Variants in RELCH observed in about 807,000 individuals in gnomAD.
RELCH encodes RAB11 binding and LisH domain, coiled-coil and HEAT repeat containing.
A neutral mutation model predicts 150.3 loss-of-function variants in RELCH; 41 were observed. The observed-to-expected ratio is 0.27, with a 90% CI of 0.21 to 0.35. The LOEUF (loss-of-function observed/expected upper bound fraction) is 0.35, where lower values mean the gene tolerates loss of function less well. RELCH is among the 10% of genes least tolerant of loss of function. The pLI is 1.00. For missense variants in RELCH, 1,092 were observed against 1,467.8 expected (o/e 0.74, Z 4.18); for synonymous variants, 478 against 531.8 (o/e 0.90, Z 1.39).
At chr18:62,300,896 A>G (rs1157725294) in intron 28 of RELCH, 1 of 152,206 alleles carries the variant, frequency 6.6e-6, no homozygotes, top group African/African-American at 2.4e-5. Flanking sequence ...TACCCTTCTT[A>G]TATTCATTCA....
At chr18:62,190,142 T>A (rs184317094) in intron 1 of RELCH, among the ~76,000 whole-genome samples, 208 of 152,340 alleles carry the variant, frequency 1.4e-3, no homozygotes, top group African/African-American at 4.9e-3. Flanking sequence ...AAAAAATGGA[T>A]TAAACTGTTT....
chr18:62,217,366 A>G (rs2040544774), intron 2 of RELCH, among the ~76,000 whole-genome samples: 1 of 152,044 alleles, frequency 6.6e-6, no homozygotes, highest in Non-Finnish European at 1.5e-5. Flanking sequence ...AAAGGTCTGA[A>G]CTATGACAAT....
intron 13 of RELCH, among the ~76,000 whole-genome samples, chr18:62,255,860 A>G (rs977300918): frequency 9.9e-5 from 15 of 152,218 alleles, no homozygotes; most frequent in African/African-American, 3.4e-4. Flanking sequence ...AGGGATGGGC[A>G]AAAATGCTGC....
chr18:62,258,466 A>C, intron 14 of RELCH, 46 bp from the exon 15 acceptor site: 1 of 1,498,396 alleles, frequency 6.7e-7, no homozygotes, highest in Non-Finnish European at 9.1e-7. Flanking sequence ...TTTTATTTTA[A>C]GTTTATCCCT....
chr18:62,229,026 A>G (rs930144561), intron 8 of RELCH, among the ~76,000 whole-genome samples: 5 of 151,546 alleles, frequency 3.3e-5, no homozygotes, highest in African/African-American at 1.2e-4. Flanking sequence ...TTCCATTACA[A>G]ATATTACATC....
intron 1 of RELCH, among the ~76,000 whole-genome samples, chr18:62,191,621 A>G (rs555427427): frequency 1.3e-5 from 2 of 152,074 alleles, no homozygotes; most frequent in African/African-American, 2.4e-5. Flanking sequence ...GCTCCTACTT[A>G]TATATGAGAA....
Position 62,275,384 on chromosome 18 carries a change from G to C in RELCH, c.2878G>C (p.Ala960Pro). The C allele has an allele frequency of 1.3e-6, 2 of 1,526,044 alleles. No individual in the cohort carries two copies. Among genetic ancestry groups the C allele is most frequent in the Non-Finnish European group, 1.8e-6 (2 of 1,141,054 alleles). 94.5% of individuals were successfully genotyped at this position (1,526,044 alleles called of 1,614,324 possible). ...TTTTTTTTCTTCTAGTGCAAACCCAGCCTACCATGAGTTACTATTAACTGT... is the reference window on the plus strand; with the variant it reads ...TTTTTTTTCTTCTAGTGCAAACCCACCCTACCATGAGTTACTATTAACTGT... ...ASFVELGANP[A>P]YHELLLTVLW... The change falls in exon 22 of 29, where the codon GCC becomes CCC. Residue 960 changes from alanine (A) to proline (P), a missense_variant. Ala to Pro is a conservative substitution (Grantham distance 27). Transcript: ENST00000644646.
Position 62,227,500 on chromosome 18 carries a change from A to G in RELCH, c.1062+8A>G, listed in dbSNP as rs765893033. The G allele has an allele frequency of 1.2e-6, 2 of 1,608,254 alleles. No homozygotes were observed. The highest frequency in any genetic ancestry group is 1.7e-6 in the Non-Finnish European group (2 of 1,175,336). ...ACTCCCCAGCCTGCAGAGGTGAGAG[A>G]TAGCAACTAATTAGTCAAGTCCACA... is the stretch of plus-strand genomic sequence containing the variant. On this transcript the variant is annotated splice_region_variant and intron_variant, in intron 6 of 28. Transcript: ENST00000644646.
chr18:62,200,147 G>A (rs2039331321), intron 1 of RELCH, among the ~76,000 whole-genome samples: 1 of 152,126 alleles, frequency 6.6e-6, no homozygotes, highest in Non-Finnish European at 1.5e-5. Context: ...GAAACCCTGT[G>A]ACAAAGAGAA....
chr18:62,228,579 C>A lies in RELCH; in HGVS notation c.1429C>A (p.His477Asn), dbSNP rs765444917. Residue 477 changes from histidine (H) to asparagine (N), a missense_variant, in exon 8 of 29, where the codon CAT becomes AAT. By Grantham distance (68) the His-to-Asn change is moderately conservative (BLOSUM62 1). Coordinates refer to ENST00000644646, the MANE Select transcript of RELCH (RefSeq NM_001346231.2). ...PSSLSSKKTV[H>N]FDKPNRKLSP... is the part of the protein sequence containing the mutation. The stretch of plus-strand genomic sequence containing the variant: ...TTCTCTATCAAGTAAAAAGACAGTT[C>A]ATTTTGATAAACCTAATAGGTTAGT... 3 of 1,609,898 alleles carry A rather than the reference C, an allele frequency of 1.9e-6. No individual in the cohort carries two copies. The highest frequency in any genetic ancestry group is 2.5e-6 in the Non-Finnish European group (3 of 1,177,952).
intron 10 of RELCH, among the ~76,000 whole-genome samples, chr18:62,242,789 G>A (rs2148489785): frequency 6.6e-6 from 1 of 152,118 alleles, no homozygotes; most frequent in South Asian, 2.1e-4. Flanking sequence ...AGTTGTTTTT[G>A]TATGCTTGTT....
chr18:62,279,611 C>T (rs974397711), intron 22 of RELCH, among the ~76,000 whole-genome samples, 163 bp from the exon 23 acceptor site: 2 of 152,172 alleles, frequency 1.3e-5, no homozygotes, highest in African/African-American at 4.8e-5. Flanking sequence ...CATTCTCTGC[C>T]TTTGTAAAGC....
Position 62,257,336 on chromosome 18 carries a change from A to G in RELCH, c.1897-612A>G, listed in dbSNP as rs532389948. On this transcript the variant is annotated intron_variant, in intron 13 of 28. Coordinates refer to ENST00000644646, the MANE Select transcript of RELCH (RefSeq NM_001346231.2). Reference sequence around the variant, plus strand: ...TTAACTATTAGCATAAAAAAGAGCAATGCAATTTTTAAGTACTTTTAAAGT... The same window carrying G: ...TTAACTATTAGCATAAAAAAGAGCAGTGCAATTTTTAAGTACTTTTAAAGT... Among the ~76,000 whole-genome samples the G allele has an allele frequency of 3.9e-5, 6 of 152,192 alleles. No individual in the cohort carries two copies. In the South Asian group the frequency reaches 1.2e-3, roughly 31 times the overall value.
At position 62,187,835 on chromosome 18, in the gene RELCH, C is replaced by T. The variant is rs562108033; in HGVS notation, c.330C>T (p.Ala110=). The T allele has an allele frequency of 6.3e-7, 1 of 1,592,032 alleles. No individual in the cohort carries two copies. Among genetic ancestry groups the T allele is most frequent in the Admixed American group, 1.8e-5 (1 of 55,330 alleles). The change falls in exon 1 of 29, where the codon GCC becomes GCT. Residue 110 remains alanine, a synonymous_variant. Transcript: ENST00000644646. ...QLLRDQYLLT[A]LELHTELLES... ...TGCGCGATCAATACTTGCTGACCGC[C>T]CTGGAGCTGCATACCGAGCTGTTAG... is the stretch of plus-strand genomic sequence containing the variant.
chr18:62,216,523 A>C (rs988986289), intron 2 of RELCH, among the ~76,000 whole-genome samples: 1 of 151,770 alleles, frequency 6.6e-6, no homozygotes, highest in Non-Finnish European at 1.5e-5. Context: ...ACATTCCTGA[A>C]TGCTGGTAAG....
chr18:62,296,134 A>G (rs1434535859), intron 27 of RELCH, among the ~76,000 whole-genome samples: 5 of 152,216 alleles, frequency 3.3e-5, no homozygotes, highest in Non-Finnish European at 5.9e-5. Context: ...AATATGATCA[A>G]TGTGGCATTT....
intron 10 of RELCH, among the ~76,000 whole-genome samples, chr18:62,233,935 A>G (rs183312454): frequency 2.0e-5 from 3 of 152,110 alleles, no homozygotes; most frequent in African/African-American, 7.2e-5. Flanking sequence ...ACCTATATGC[A>G]CACATATAAC....
chr18:62,203,955 A>G (rs1308838721), intron 1 of RELCH, among the ~76,000 whole-genome samples: 2 of 152,284 alleles, frequency 1.3e-5, no homozygotes, highest in East Asian at 1.9e-4. Context: ...TTCCAGCCTC[A>G]GTGACAGGGT....
In RELCH at chr18:62,283,657, G is replaced by A. The variant is rs549925515; in HGVS notation, c.3253+1213G>A. ...CATGACATTTTTTTTCACTAGGTAA[G>A]TGTCTTTATAATTAGCCAACTAACA... On this transcript the variant is annotated intron_variant, in intron 25 of 28. Coordinates refer to ENST00000644646, the MANE Select transcript of RELCH (RefSeq NM_001346231.2). Among the ~76,000 whole-genome samples, 4 of 152,222 alleles carry A rather than the reference G, an allele frequency of 2.6e-5. No homozygotes were observed. The South Asian group carries it at 8.3e-4, about 32-fold the overall frequency.
Sources: gnomAD v4.1 joint callset for allele counts (sites outside exome capture counted in the v4.1 genomes callset) on GRCh38, gnomAD v4.1.1 for gene constraint, MANE v1.5 for transcripts, NCBI Gene and HGNC (gene_info 2026-07-23, HGNC 2026-07-21) for gene names.